The following LTBP1 variants were observed in gnomAD, a reference collection of about 807,000 sequenced individuals.
LTBP1 encodes the protein latent transforming growth factor beta binding protein 1, also known as latent-transforming growth factor beta-binding protein 1.
A neutral mutation model predicts 207.6 loss-of-function variants in LTBP1; 129 were observed. The ratio of observed to expected loss-of-function variants is 0.62; its 90% confidence interval spans 0.54 to 0.72. The LOEUF is 0.72. LTBP1 is among the 30% of genes least tolerant of loss of function. The pLI is 0.00. For synonymous variants in LTBP1, 963 were observed against 833.7 expected, an observed-to-expected ratio of 1.16 and a Z score of -2.67; for missense variants, 2,281 against 2,217.2, an observed-to-expected ratio of 1.03 and a Z score of -0.58.
Position 33,389,198 on chromosome 2 carries a change from C to A in LTBP1, c.4726C>A (p.Leu1576Met). 6.2e-7 allele frequency: 1 copy of A among 1,614,148 alleles called. No individual in the cohort carries two copies. The highest frequency in any genetic ancestry group is 8.5e-7 in the Non-Finnish European group (1 of 1,180,032). The change falls in exon 32 of 34, where the codon CTG becomes ATG. Residue 1576 changes from leucine (L) to methionine (M), a missense_variant. Transcript: ENST00000404816. Reference sequence around the variant, plus strand: ...CTACTCCTTAGATGACTATGCTCAGCTGTGTAACATCCCCGTGACGGGACG... The same window carrying A: ...CTACTCCTTAGATGACTATGCTCAGATGTGTAACATCCCCGTGACGGGACG... ...PLKDSDDYAQ[L>M]CNIPVTGRRQ...
intron 10 of LTBP1, among the ~76,000 whole-genome samples, chr2:33,245,835 G>A (rs1339898569): frequency 6.6e-6 from 1 of 152,162 alleles, no homozygotes; most frequent in African/African-American, 2.4e-5. Context: ...CTTGTAGTCT[G>A]GTTACAATTC....
rs373594646 is a variant in LTBP1 at position 33,389,273 on chromosome 2, A to G, written c.4801A>G (p.Thr1601Ala). Residue 1601 changes from threonine to alanine, a missense_variant, in exon 32 of 34, where the codon ACT becomes GCT. This residue lies in a region of LTBP1 where 1,671 missense variants were observed against 1,634.8 expected (regional missense o/e 1.02). Coordinates refer to ENST00000404816, the MANE Select transcript of LTBP1 (RefSeq NM_206943.4). ...CTTGGTTGACTTCAGTGAACAGTAT[A>G]CTCCAGAAGCCGATCCCTACTTCAT... ...DALVDFSEQYTPEADPYFIQD... is the reference protein window; with the variant it reads ...DALVDFSEQYAPEADPYFIQD... 7.7e-5 allele frequency: 124 copies of G among 1,613,966 alleles called. 1 individual carries two copies. Among genetic ancestry groups the G allele is most frequent in the South Asian group, 6.6e-4 (60 of 91,078 alleles).
At chr2:33,188,447 A>AAAAATAATT in intron 6 of LTBP1, 130 bp from the exon 7 acceptor site, 9 of 668,142 alleles carry the variant, frequency 1.3e-5, no homozygotes, top group Non-Finnish European at 1.7e-5. Context: ...AAAAAAAAGA[A>AAAAATAATT]TTTTGATGGC....
intron 20 of LTBP1, among the ~76,000 whole-genome samples, chr2:33,295,352 C>A (rs1032680014): frequency 2.6e-5 from 4 of 151,954 alleles, no homozygotes; most frequent in African/African-American, 9.7e-5. Context: ...CATGGTGAAA[C>A]CCTGTCTCTA....
chr2:33,149,169 C>T (rs940570695), intron 5 of LTBP1, among the ~76,000 whole-genome samples: 15 of 141,386 alleles, frequency 1.1e-4, no homozygotes, highest in African/African-American at 3.9e-4. Flanking sequence ...GAGCCGAGAT[C>T]GTGCCACTGC....
chr2:33,093,569 G>T, intron 3 of LTBP1, among the ~76,000 whole-genome samples: 1 of 151,708 alleles, frequency 6.6e-6, no homozygotes, highest in East Asian at 1.9e-4. Flanking sequence ...TTTCCAAATT[G>T]TTCTCTTGAT....
At chr2:33,188,171 A>G (rs1263113965) in intron 6 of LTBP1, among the ~76,000 whole-genome samples, 1 of 152,232 alleles carries the variant, frequency 6.6e-6, no homozygotes, top group East Asian at 1.9e-4. Context: ...CTGTAATCCC[A>G]GCACTTTGGG....
At chr2:33,234,301 T>A (rs1263541397) in intron 9 of LTBP1, among the ~76,000 whole-genome samples, 1 of 152,150 alleles carries the variant, frequency 6.6e-6, no homozygotes, top group Non-Finnish European at 1.5e-5. Flanking sequence ...TTGCTATGTT[T>A]ATTTCTTTCT....
In LTBP1 at chr2:33,334,968, A is replaced by G. The variant is rs373302657; in HGVS notation, c.3731-7870A>G. ...GCAGCATACACCTGTGGTCCCAGCT[A>G]TTTGAGAGGCTGAGGTAGGAGGATT... On this transcript the variant is annotated intron_variant, in intron 24 of 33. Transcript: ENST00000404816. Among the ~76,000 whole-genome samples, 328 of 151,046 alleles carry G rather than the reference A, an allele frequency of 2.2e-3. 1 individual carries two copies. The highest frequency in any genetic ancestry group is 4.5e-3 in the African/African-American group (184 of 41,128).
intron 3 of LTBP1, among the ~76,000 whole-genome samples, chr2:33,076,771 G>A (rs1194202606): frequency 1.3e-5 from 2 of 151,936 alleles, no homozygotes; most frequent in Admixed American, 6.6e-5. Flanking sequence ...TCTTGACCTC[G>A]TGATCCACCC....
intron 2 of LTBP1, among the ~76,000 whole-genome samples, chr2:32,957,119 G>T (rs1384159124): frequency 3.9e-5 from 6 of 152,192 alleles, no homozygotes; most frequent in Non-Finnish European, 1.5e-5. Flanking sequence ...GAGATTTTTA[G>T]ATTGGTAAAT....
At chr2:32,957,941 CTG>C (rs1023393221) in intron 2 of LTBP1, among the ~76,000 whole-genome samples, 25 of 152,286 alleles carry the variant, frequency 1.6e-4, no homozygotes, top group African/African-American at 6.0e-4. Context: ...GACCCCAAGA[CTG>C]TGTGGTTATA....
chr2:33,249,476 G>C (rs1247561481), intron 10 of LTBP1, among the ~76,000 whole-genome samples: 11 of 152,086 alleles, frequency 7.2e-5, no homozygotes, highest in Admixed American at 7.2e-4. Flanking sequence ...TTAAATATAA[G>C]TTGCTTAATA....
intron 3 of LTBP1, among the ~76,000 whole-genome samples, chr2:33,043,873 A>G (rs958530083): frequency 6.6e-6 from 1 of 152,180 alleles, no homozygotes; most frequent in Non-Finnish European, 1.5e-5. Flanking sequence ...ATGCAATCAC[A>G]TAGTCATGAA....
chr2:33,251,800 A>C (rs1240700805), intron 10 of LTBP1, among the ~76,000 whole-genome samples: 2 of 152,130 alleles, frequency 1.3e-5, no homozygotes, highest in Non-Finnish European at 1.5e-5. Flanking sequence ...GGGGGACACC[A>C]AACTTATTCA....
At chr2:33,395,782 C>CAAG (rs1190770143) in intron 32 of LTBP1, among the ~76,000 whole-genome samples, 22 of 151,958 alleles carry the variant, frequency 1.4e-4, no homozygotes, top group African/African-American at 4.8e-4. Context: ...ACTCCATATC[C>CAAG]TTGTCCAATT....
At chr2:33,183,896 G>A (rs2148749623) in intron 5 of LTBP1, among the ~76,000 whole-genome samples, 1 of 152,286 alleles carries the variant, frequency 6.6e-6, no homozygotes, top group South Asian at 2.1e-4. Flanking sequence ...CCAGCATGGG[G>A]AGTTTTGACT....
At chr2:33,055,294 G>T (rs182221392) in intron 3 of LTBP1, among the ~76,000 whole-genome samples, 1 of 152,200 alleles carries the variant, frequency 6.6e-6, no homozygotes, top group Non-Finnish European at 1.5e-5. Context: ...GGTGACAGGG[G>T]AGTATGTTTT....
intron 9 of LTBP1, among the ~76,000 whole-genome samples, chr2:33,230,365 T>G (rs1363509485): frequency 6.6e-6 from 1 of 151,924 alleles, no homozygotes; most frequent in South Asian, 2.1e-4. Flanking sequence ...CTCAAAGTTG[T>G]TTTTTTTCCT....
Sources: allele counts gnomAD v4.1 joint callset (sites outside exome capture counted in the v4.1 genomes callset), GRCh38; gene constraint gnomAD v4.1.1; regional missense constraint gnomAD v4.1.1; transcripts MANE v1.5; gene names NCBI Gene and HGNC (gene_info 2026-07-23, HGNC 2026-07-21).